Variants in ZNF644 observed in about 807,000 individuals in gnomAD.
The protein encoded by ZNF644 is zinc finger protein 644.
ZNF644 carries 20 observed loss-of-function variants against 108.0 expected under a neutral mutation model. That is an observed-to-expected ratio of 0.19 (90% confidence interval 0.13 to 0.27). The LOEUF is 0.27. Among genes scored for constraint, ZNF644 ranks in the 10% least tolerant of loss-of-function variants. The pLI, the probability that ZNF644 is intolerant of heterozygous loss-of-function variation, is 1.00. For synonymous variants in ZNF644, 542 were observed against 539.1 expected (o/e 1.01, Z -0.08); for missense variants, 1,338 against 1,548.9 (o/e 0.86, Z 2.29).
chr1:90,995,023 T>A (rs1343679544), intron 1 of ZNF644, among the ~76,000 whole-genome samples: 1 of 151,918 alleles, frequency 6.6e-6, no homozygotes, highest in Non-Finnish European at 1.5e-5. Flanking sequence ...AAACATACCA[T>A]AATGTGCAGT....
intron 2 of ZNF644, among the ~76,000 whole-genome samples, chr1:90,951,567 T>C (rs930609000): frequency 1.3e-5 from 2 of 152,212 alleles, no homozygotes; most frequent in African/African-American, 4.8e-5. Context: ...CTTTGCTCAA[T>C]CATTATCTTC....
intron 2 of ZNF644, among the ~76,000 whole-genome samples, chr1:90,965,375 T>A (rs546668600): frequency 9.2e-4 from 140 of 152,236 alleles, no homozygotes; most frequent in South Asian, 8.5e-3. Flanking sequence ...GTATCCAAAT[T>A]TCTCCTTTTT....
At chr1:90,949,781 T>C (rs1488344681) in intron 2 of ZNF644, among the ~76,000 whole-genome samples, 1 of 152,180 alleles carries the variant, frequency 6.6e-6, no homozygotes, top group African/African-American at 2.4e-5. Context: ...GGAGCATCAT[T>C]GGAGTTTGGT....
chr1:90,997,609 G>T (rs1035755576), intron 1 of ZNF644, among the ~76,000 whole-genome samples: 2 of 152,086 alleles, frequency 1.3e-5, no homozygotes, highest in African/African-American at 2.4e-5. Context: ...AACAGCTCCA[G>T]TCTACAGCTC....
intron 1 of ZNF644, among the ~76,000 whole-genome samples, chr1:90,986,081 T>C (rs975901680): frequency 3.0e-4 from 46 of 152,074 alleles, no homozygotes; most frequent in African/African-American, 1.1e-3. Context: ...ATATTACTTA[T>C]ATAAGTGGGA....
chr1:91,007,219 C>CGTTTTT (rs1557658445), intron 1 of ZNF644, among the ~76,000 whole-genome samples: 2 of 114,246 alleles, frequency 1.8e-5, no homozygotes, highest in Non-Finnish European at 1.8e-5. Flanking sequence ...CATTTTCTCC[C>CGTTTTT]ATTTTGTTTT....
intron 2 of ZNF644, among the ~76,000 whole-genome samples, chr1:90,976,674 G>C (rs1386184985): frequency 6.6e-6 from 1 of 152,106 alleles, no homozygotes; most frequent in African/African-American, 2.4e-5. Flanking sequence ...AACTTCAAAA[G>C]AGAACAATGT....
intron 1 of ZNF644, among the ~76,000 whole-genome samples, chr1:90,994,493 T>TAA (rs1329818412): frequency 6.6e-6 from 1 of 152,152 alleles, no homozygotes; most frequent in Non-Finnish European, 1.5e-5. Context: ...ATTCTAGGTA[T>TAA]AAACTTTGCC....
intron 2 of ZNF644, among the ~76,000 whole-genome samples, chr1:90,945,143 C>T (rs1652385785): frequency 6.6e-6 from 1 of 152,022 alleles, no homozygotes; most frequent in African/African-American, 2.4e-5. Flanking sequence ...GGGCATTATT[C>T]ATTAAGTTTA....
chr1:90,963,251 A>G (rs2101151756), intron 2 of ZNF644, among the ~76,000 whole-genome samples: 1 of 152,262 alleles, frequency 6.6e-6, no homozygotes, highest in East Asian at 1.9e-4. Context: ...CCAAACAACC[A>G]GTACATTTAT....
At chr1:91,007,227 T>TTTTG (rs1659532945) in intron 1 of ZNF644, among the ~76,000 whole-genome samples, 4 of 66,552 alleles carry the variant, frequency 6.0e-5, no homozygotes, top group African/African-American at 1.9e-4. Flanking sequence ...CCCATTTTGT[T>TTTTG]TTTTTTTTTT....
At chr1:91,017,872 G>A (rs187024787) in intron 1 of ZNF644, among the ~76,000 whole-genome samples, 31 of 152,280 alleles carry the variant, frequency 2.0e-4, no homozygotes. Context: ...TGAGACAGGA[G>A]AATCACTTGA....
chr1:90,985,874 C>T (rs1476208537), intron 1 of ZNF644, among the ~76,000 whole-genome samples: 1 of 152,054 alleles, frequency 6.6e-6, no homozygotes, highest in East Asian at 1.9e-4. Context: ...TGAGAAAGTG[C>T]CATACTGTTT....
chr1:90,934,991 C>T (rs1651165668), intron 4 of ZNF644, among the ~76,000 whole-genome samples: 1 of 152,152 alleles, frequency 6.6e-6, no homozygotes, highest in Non-Finnish European at 1.5e-5. Context: ...TAGCCGCTAA[C>T]TCTTGAGCTC....
chr1:90,958,232 T>TAAAAAAAAAAAAAAAAAAAAA (rs777224217), intron 2 of ZNF644, among the ~76,000 whole-genome samples: 2 of 41,386 alleles, frequency 4.8e-5, no homozygotes, highest in Admixed American at 2.8e-4. Flanking sequence ...GCAAAACTCC[T>TAAAAAAAAAAAAAAAAAAAAA]AAAAAAAAAA....
At position 90,975,655 on chromosome 1, in the gene ZNF644, G is replaced by A. The variant is rs2101382338; in HGVS notation, c.44+6655C>T. On this transcript the variant is annotated intron_variant, in intron 2 of 5. Transcript: ENST00000337393. ...GACAGAGTTTCACCACGTTGGCCAG[G>A]CTGGTCTTGAACTCCTGACCTCAGG... Among the ~76,000 whole-genome samples the A allele has an allele frequency of 1.3e-5, 2 of 152,060 alleles. 1 individual carries two copies. Among genetic ancestry groups the A allele is most frequent in the Middle Eastern group, 6.8e-3 (2 of 294 alleles).
chr1:90,935,741 C>A (rs184973215), intron 4 of ZNF644, among the ~76,000 whole-genome samples: 1 of 152,110 alleles, frequency 6.6e-6, no homozygotes, highest in African/African-American at 2.4e-5. Flanking sequence ...GAAAGGTAGA[C>A]GAGGAGTGAC....
At chr1:90,994,781 T>C (rs1657988087) in intron 1 of ZNF644, among the ~76,000 whole-genome samples, 1 of 151,858 alleles carries the variant, frequency 6.6e-6, no homozygotes, top group African/African-American at 2.4e-5. Context: ...CAGGGCAAAA[T>C]TGGACTACAA....
At chr1:91,019,065 A>T (rs973659381) in intron 1 of ZNF644, among the ~76,000 whole-genome samples, 8 of 152,248 alleles carry the variant, frequency 5.3e-5, no homozygotes, top group African/African-American at 1.9e-4. Flanking sequence ...TATATGACCC[A>T]TAAAAACTTT....
Sources: gnomAD v4.1 joint callset for allele counts (sites outside exome capture counted in the v4.1 genomes callset) on GRCh38, gnomAD v4.1.1 for gene constraint, MANE v1.5 for transcripts, NCBI Gene and HGNC (gene_info 2026-07-23, HGNC 2026-07-21) for gene names.